RAD52: variants seen among roughly 807,000 people sequenced by gnomAD.
RAD52 encodes RAD52 DNA repair protein.
In RAD52, 47 loss-of-function variants were observed where a neutral mutation model predicts 55.5. The observed-to-expected ratio is 0.85, with a 90% CI of 0.67 to 1.08. RAD52 has a LOEUF of 1.08. Ranked by LOEUF, RAD52 falls within the 50% of genes least tolerant of loss-of-function variation. RAD52 has a pLI of 0.00. For missense variants in RAD52, 468 were observed against 522.8 expected (o/e 0.90, Z 1.02); for synonymous variants, 184 against 198.9 (o/e 0.92, Z 0.63).
intron 7 of RAD52, among the ~76,000 whole-genome samples, chr12:922,934 G>A (rs1002133804): frequency 1.3e-5 from 2 of 152,030 alleles, no homozygotes; most frequent in South Asian, 2.1e-4. Context: ...AGGTTCAAGC[G>A]ATTCTCATGC....
chr12:959,373 AT>A (rs1482389708), intron 1 of RAD52, among the ~76,000 whole-genome samples: 1 of 152,228 alleles, frequency 6.6e-6, no homozygotes, highest in Non-Finnish European at 1.5e-5. Context: ...AGGAGTGAGC[AT>A]TGTTCTAAGC....
Position 913,887 on chromosome 12 carries a change from C to T in RAD52, c.1195+7G>A, listed in dbSNP as rs1158258434. The T allele has an allele frequency of 6.2e-7, 1 of 1,612,418 alleles. No homozygotes were observed. Among genetic ancestry groups the T allele is most frequent in the African/African-American group, 1.3e-5 (1 of 74,886 alleles). ...TTAATTTTTGTGCCTAAACACCTCTCTGCTACCTGTTGTGCGTTGGTCAGC... is the reference window on the plus strand; with the variant it reads ...TTAATTTTTGTGCCTAAACACCTCTTTGCTACCTGTTGTGCGTTGGTCAGC... On this transcript the variant is annotated splice_region_variant and intron_variant, in intron 11 of 11. Coordinates refer to ENST00000358495, the MANE Select transcript of RAD52 (RefSeq NM_134424.4).
rs201895487 is a variant in RAD52, at chr12:924,702, G to A, written c.543+748C>T. Among the ~76,000 whole-genome samples the A allele has an allele frequency of 3.3e-5, 5 of 152,172 alleles. No homozygotes were observed. In the East Asian group the frequency reaches 5.8e-4, roughly 18 times the overall value. The stretch of plus-strand genomic sequence containing the variant: ...CTCCAAAGGCAAAGGCTCAGATCAC[G>A]TTATAGGTATTGACAGAAATAATGG... On this transcript the variant is annotated intron_variant, in intron 7 of 11. Coordinates refer to ENST00000358495, the MANE Select transcript of RAD52 (RefSeq NM_134424.4).
intron 1 of RAD52, among the ~76,000 whole-genome samples, chr12:945,270 G>A (rs1292000431): frequency 2.0e-5 from 3 of 151,484 alleles, no homozygotes; most frequent in African/African-American, 7.3e-5. Context: ...AGAATCGCTT[G>A]AATCCAGGAG....
chr12:914,313 G>T, intron 10 of RAD52, 118 bp downstream of exon 10: 1 of 1,447,528 alleles, frequency 6.9e-7, no homozygotes, highest in Non-Finnish European at 9.3e-7. Flanking sequence ...TATGCTATCA[G>T]CCAGAACCCC....
At chr12:973,275 T>C (rs1958891869) in intron 1 of RAD52, among the ~76,000 whole-genome samples, 1 of 151,982 alleles carries the variant, frequency 6.6e-6, no homozygotes, top group South Asian at 2.1e-4. Flanking sequence ...TTCATCATGT[T>C]AGCCAGGATG....
Position 961,309 on chromosome 12 carries a change from C to CAAAAAAA in RAD52, c.-18-28240_-18-28234dup, listed in dbSNP as rs60547688. Among the ~76,000 whole-genome samples, 153 of 33,810 alleles carry CAAAAAAA rather than the reference C, an allele frequency of 4.5e-3. 12 individuals carry two copies. The highest frequency in any genetic ancestry group is 7.7e-3 in the Non-Finnish European group (136 of 17,696). The allele number at this position is 33,810 out of a possible 152,430, so 22.2% of individuals were successfully genotyped here. On this transcript the variant is annotated intron_variant, in intron 1 of 11. Coordinates refer to the RAD52 transcript ENST00000430095. ...TGGGTGACAGAGTGAGACTCCATCT[C>CAAAAAAA]AAAAAAAAAAAAAAAAAAAAAAAGG...
rs556277613 is a variant in RAD52, at chr12:968,480, G to T, written c.-19+21329C>A. On this transcript the variant is annotated intron_variant, in intron 1 of 11. Coordinates refer to the RAD52 transcript ENST00000430095. ...TTCCCGGGAAGACCCCACTTGCAAGGCTGCCTTTATTTAACCTAACCAGGA... is the reference window on the plus strand; with the variant it reads ...TTCCCGGGAAGACCCCACTTGCAAGTCTGCCTTTATTTAACCTAACCAGGA... Among the ~76,000 whole-genome samples the T allele has an allele frequency of 4.2e-4, 64 of 152,064 alleles. 1 individual carries two copies. The highest frequency in any genetic ancestry group is 1.5e-3 in the African/African-American group (62 of 41,388).
At chr12:914,263 G>A in intron 10 of RAD52, 142 bp from the exon 11 acceptor site, 3 of 1,294,414 alleles carry the variant, frequency 2.3e-6, no homozygotes, top group Non-Finnish European at 1.0e-6. Context: ...CCCCCTAAAA[G>A]TACACTTCCC....
intron 1 of RAD52, among the ~76,000 whole-genome samples, chr12:977,272 G>C (rs553666566): frequency 5.3e-5 from 8 of 152,164 alleles, no homozygotes; most frequent in Non-Finnish European, 1.2e-4. Context: ...ATTGCTGCAT[G>C]TGCAATGTCT....
chr12:986,745 CTTT>C (rs373962428), intron 1 of RAD52, among the ~76,000 whole-genome samples: 14 of 133,632 alleles, frequency 1.0e-4, no homozygotes, highest in East Asian at 2.2e-4. Context: ...ATCTTCTAAG[CTTT>C]TTTTTTTTTT....
chr12:928,459 G>C (rs1042491969), intron 5 of RAD52, among the ~76,000 whole-genome samples: 2 of 151,940 alleles, frequency 1.3e-5, no homozygotes, highest in East Asian at 1.9e-4. Flanking sequence ...GGAGGTTGCG[G>C]TGAGCTGAGA....
intron 1 of RAD52, among the ~76,000 whole-genome samples, chr12:989,448 A>G (rs1544424): frequency 0.95 from 144,868 of 152,270 alleles, 69,294 homozygotes; most frequent in East Asian, 1. Flanking sequence ...GGAAGAAGAG[A>G]CAGTAAATAC....
At chr12:972,828 G>C (rs1213452408) in intron 1 of RAD52, among the ~76,000 whole-genome samples, 1 of 151,678 alleles carries the variant, frequency 6.6e-6, no homozygotes, top group Admixed American at 6.6e-5. Context: ...GCATGGTTGG[G>C]GGAACAGTAG....
chr12:981,057 T>TG (rs1565715229), intron 1 of RAD52, among the ~76,000 whole-genome samples: 1 of 151,834 alleles, frequency 6.6e-6, no homozygotes, highest in Non-Finnish European at 1.5e-5. Context: ...TAGCCAGGTG[T>TG]GGTAGCTCAC....
chr12:980,441 C>T (rs1190985335), intron 1 of RAD52, among the ~76,000 whole-genome samples: 1 of 151,116 alleles, frequency 6.6e-6, no homozygotes, highest in African/African-American at 2.4e-5. Context: ...TTACAGGTGC[C>T]TGCCACCATG....
chr12:951,825 TTAAACTA>T (rs1449429646), upstream of RAD52, among the ~76,000 whole-genome samples: 1 of 152,204 alleles, frequency 6.6e-6, no homozygotes, highest in African/African-American at 2.4e-5. Flanking sequence ...ATTTAAACTA[TTAAACTA>T]TAAATTTTCC....
chr12:956,808 A>C (rs1325344983), intron 1 of RAD52, among the ~76,000 whole-genome samples: 1 of 152,188 alleles, frequency 6.6e-6, no homozygotes, highest in Non-Finnish European at 1.5e-5. Context: ...CGGCCTCCCA[A>C]AGTGCTGGGA....
intron 7 of RAD52, among the ~76,000 whole-genome samples, chr12:922,331 C>T (rs772414811): frequency 4.6e-5 from 7 of 151,728 alleles, no homozygotes; most frequent in Non-Finnish European, 5.9e-5. Context: ...GGCAGCTCCT[C>T]GAAAAATTAA....
Sources: allele counts gnomAD v4.1 joint callset (sites outside exome capture counted in the v4.1 genomes callset), GRCh38; gene constraint gnomAD v4.1.1; transcripts MANE v1.5; gene names NCBI Gene and HGNC (gene_info 2026-07-23, HGNC 2026-07-21).